WDHD1: variants seen among roughly 807,000 people sequenced by gnomAD.
WDHD1 encodes WD repeat and HMG-box DNA binding protein 1, also known as WD repeat and HMG-box DNA-binding protein 1.
In WDHD1, 111 loss-of-function variants were observed where a neutral mutation model predicts 135.4. The ratio of observed to expected loss-of-function variants is 0.82; its 90% CI spans 0.70 to 0.96. The LOEUF (loss-of-function observed/expected upper bound fraction) is 0.96. Among genes scored for constraint, WDHD1 ranks in the 40% least tolerant of loss-of-function variants. WDHD1 has a pLI of 0.00. For synonymous variants in WDHD1, 434 were observed against 439.0 expected (o/e 0.99, Z 0.14); for missense variants, 1,351 against 1,336.3 (o/e 1.01, Z -0.17).
chr14:54,992,054 C>T (rs200845681), intron 11 of WDHD1, among the ~76,000 whole-genome samples: 5 of 151,996 alleles, frequency 3.3e-5, no homozygotes, highest in East Asian at 1.9e-4. Context: ...GGGAGTTCCA[C>T]GTTGACCAGC....
chr14:54,967,336 T>C lies in WDHD1; in HGVS notation c.2122A>G (p.Ile708Val), dbSNP rs766563471. Residue 708 changes from isoleucine to valine, a missense_variant, in exon 17 of 26, where the codon ATA (isoleucine) becomes GTA (valine). Ile to Val is a conservative substitution (Grantham distance 29, BLOSUM62 3). This residue lies in a region of WDHD1 where 1,330 missense variants were observed against 1,296.1 expected (regional missense o/e 1.03). Transcript: ENST00000360586. ...PPTLPRPAVA[I>V]LSFKLPYCQI... Reference sequence around the variant, plus strand: ...CAGTAAGGAAGCTTAAAGGATAATATAGCAACAGCAGGGCGTGGAAGGGTT... The same window carrying C: ...CAGTAAGGAAGCTTAAAGGATAATACAGCAACAGCAGGGCGTGGAAGGGTT... The C allele has an allele frequency of 7.4e-6, 12 of 1,612,530 alleles. No individual in the cohort carries two copies. Among genetic ancestry groups the C allele is most frequent in the African/African-American group, 1.3e-5 (1 of 74,856 alleles).
At chr14:55,015,841 G>C (rs1372285419) in intron 2 of WDHD1, among the ~76,000 whole-genome samples, 2 of 152,188 alleles carry the variant, frequency 1.3e-5, no homozygotes, top group Admixed American at 1.3e-4. Flanking sequence ...TGGGACTGCA[G>C]GCGTGCGCCA....
chr14:55,014,543 A>G (rs1327646265), intron 2 of WDHD1, among the ~76,000 whole-genome samples: 1 of 152,230 alleles, frequency 6.6e-6, no homozygotes, highest in East Asian at 1.9e-4. Context: ...GAATTAATAA[A>G]TGAATAGATG....
intron 16 of WDHD1, 37 bp downstream of exon 16, chr14:54,981,502 TA>T: frequency 6.3e-7 from 1 of 1,590,730 alleles, no homozygotes; most frequent in Non-Finnish European, 8.5e-7. Context: ...ACATACTTTT[TA>T]AAAAGAGTCA....
chr14:54,953,242 AT>A (rs2041092779), intron 24 of WDHD1, among the ~76,000 whole-genome samples: 2 of 152,266 alleles, frequency 1.3e-5, no homozygotes, highest in Non-Finnish European at 2.9e-5. Context: ...AAGGGCTAAT[AT>A]CCAGAATCTA....
At chr14:54,995,272 T>C (rs992763453) in intron 11 of WDHD1, among the ~76,000 whole-genome samples, 1 of 152,168 alleles carries the variant, frequency 6.6e-6, no homozygotes, top group Non-Finnish European at 1.5e-5. Flanking sequence ...TGAGCCACCG[T>C]GCCCGGCCTT....
At chr14:54,972,044 G>A (rs555445204) in intron 16 of WDHD1, among the ~76,000 whole-genome samples, 2 of 151,824 alleles carry the variant, frequency 1.3e-5, no homozygotes, top group East Asian at 2.0e-4. Flanking sequence ...AGGCCGAGGC[G>A]GGTGGATCAC....
intron 16 of WDHD1, 151 bp downstream of exon 16, chr14:54,981,389 G>A (rs557676833): frequency 7.3e-6 from 5 of 686,678 alleles, no homozygotes; most frequent in Non-Finnish European, 1.2e-5. Flanking sequence ...GAAAACTTCA[G>A]AGTGAATATG....
At chr14:55,009,320 C>T (rs903953771) in intron 4 of WDHD1, among the ~76,000 whole-genome samples, 2 of 152,160 alleles carry the variant, frequency 1.3e-5, no homozygotes, top group Non-Finnish European at 2.9e-5. Flanking sequence ...AAGTACTATA[C>T]CTTTCACTTC....
intron 24 of WDHD1, among the ~76,000 whole-genome samples, chr14:54,949,579 C>T (rs1052870493): frequency 1.3e-5 from 2 of 152,212 alleles, no homozygotes; most frequent in South Asian, 4.1e-4. Context: ...AAACACTCTG[C>T]AGGATACTAT....
At chr14:55,004,959 C>T in intron 7 of WDHD1, 1 of 539,846 alleles carries the variant, frequency 1.9e-6, no homozygotes. Flanking sequence ...ACCATCAGAC[C>T]AGTCTGCAAC....
intron 16 of WDHD1, among the ~76,000 whole-genome samples, chr14:54,980,990 A>C (rs2041609974): frequency 6.6e-6 from 1 of 151,560 alleles, no homozygotes; most frequent in Non-Finnish European, 1.5e-5. Flanking sequence ...GCGCACCTAT[A>C]ATCCCAGCTA....
chr14:55,019,223 T>C (rs911476345), intron 2 of WDHD1, among the ~76,000 whole-genome samples: 3 of 152,192 alleles, frequency 2.0e-5, no homozygotes, highest in African/African-American at 7.2e-5. Flanking sequence ...CATAAATATG[T>C]ACCAGAAATG....
intron 13 of WDHD1, among the ~76,000 whole-genome samples, chr14:54,988,610 T>A (rs1453125420): frequency 6.6e-6 from 1 of 152,084 alleles, no homozygotes; most frequent in Non-Finnish European, 1.5e-5. Context: ...GAAGGATACA[T>A]ATCAAATTGT....
intron 7 of WDHD1, among the ~76,000 whole-genome samples, chr14:55,004,580 G>A (rs1595113565): frequency 1.3e-5 from 2 of 152,160 alleles, no homozygotes; most frequent in African/African-American, 4.8e-5. Flanking sequence ...AGACTCCCAA[G>A]TAGCTGGGAT....
chr14:54,941,597 T>A lies in WDHD1; in HGVS notation c.3283A>T (p.Asn1095Tyr). 6.2e-7 allele frequency: 1 copy of A among 1,614,058 alleles called. No individual in the cohort carries two copies. Among genetic ancestry groups the A allele is most frequent in the Non-Finnish European group, 8.5e-7 (1 of 1,179,954 alleles). Reference protein sequence around the residue: ...RVVDESDETENQEEKAKENLN... With the variant: ...RVVDESDETEYQEEKAKENLN... ...TTCTCTTTTGCTTTTTCTTCCTGGT[T>A]TTCTGTTTCATCACTTTCATCAACC... is the stretch of plus-strand genomic sequence containing the variant. Residue 1095 changes from asparagine to tyrosine, a missense_variant, in exon 26 of 26, where the codon AAC (asparagine) becomes TAC (tyrosine). Asn to Tyr is a moderately radical substitution (Grantham distance 143). Transcript: ENST00000360586.
intron 25 of WDHD1, 70 bp downstream of exon 25, chr14:54,944,262 G>A: frequency 1.3e-6 from 2 of 1,581,796 alleles, no homozygotes; most frequent in Non-Finnish European, 1.7e-6. Flanking sequence ...CCAGCCAAAA[G>A]GCATTTCTAT....
chr14:55,007,392 G>A lies in WDHD1; in HGVS notation c.505-17C>T. On this transcript the variant is annotated splice_polypyrimidine_tract_variant and intron_variant, in intron 6 of 25. Transcript: ENST00000360586. ...AGCACATGTCTAATTGGTAAAAAAA[G>A]AAAATTTCTTTCCTTTATGAAAATC... 6.5e-7 allele frequency: 1 copy of A among 1,541,804 alleles called. No individual in the cohort carries two copies. Among genetic ancestry groups the A allele is most frequent in the Non-Finnish European group, 8.8e-7 (1 of 1,140,252 alleles).
intron 21 of WDHD1, among the ~76,000 whole-genome samples, chr14:54,958,155 T>G (rs1448061138): frequency 6.6e-6 from 1 of 151,116 alleles, no homozygotes; most frequent in African/African-American, 2.4e-5. Flanking sequence ...AGACAGAGTC[T>G]CGCTCTTGTT....
Sources: gnomAD v4.1 joint callset for allele counts (sites outside exome capture counted in the v4.1 genomes callset) on GRCh38, gnomAD v4.1.1 for gene constraint, gnomAD v4.1.1 regional missense constraint, MANE v1.5 for transcripts, NCBI Gene and HGNC (gene_info 2026-07-23, HGNC 2026-07-21) for gene names.